The following C15orf61 variants were observed in gnomAD, a reference collection of about 807,000 sequenced individuals.
C15orf61 encodes the protein uncharacterized protein C15orf61.
Under a neutral mutation model 13.7 loss-of-function variants are expected in C15orf61, and 12 were observed. The ratio of observed to expected loss-of-function variants is 0.88; its 90% CI spans 0.56 to 1.42. C15orf61 has a LOEUF of 1.42. C15orf61 is among the 40% of genes most tolerant of loss of function. The probability of loss-of-function intolerance (pLI) is 0.00; values close to 1 mark genes in which losing one functional copy is unlikely to be tolerated. For missense variants in C15orf61, 248 were observed against 213.2 expected (o/e 1.16, Z -1.02); for synonymous variants, 92 against 94.1 (o/e 0.98, Z 0.13).
rs577016848 is a variant in C15orf61 at position 67,521,311 on chromosome 15, C to T, written c.63C>T (p.Ala21=). The stretch of plus-strand genomic sequence containing the variant: ...GCCTGCTGCTGTGTAGGCCGTGGGC[C>T]TCGCGCGCCGCCGCCCGCCCCAAGC... The part of the protein sequence containing the change: ...ALRLLLCRPW[A]SRAAARPKPS... The change falls in exon 1 of 2, where the codon GCC becomes GCT. Residue 21 remains alanine (A), a synonymous_variant. Transcript: ENST00000342683. The T allele has an allele frequency of 1.3e-6, 2 of 1,524,870 alleles. No homozygotes were observed. The highest frequency in any genetic ancestry group is 1.4e-5 in the African/African-American group (1 of 72,486). 94.5% of individuals were successfully genotyped at this position (1,524,870 alleles called of 1,614,324 possible).
intron 1 of C15orf61, among the ~76,000 whole-genome samples, chr15:67,524,407 T>C (rs1203974022): frequency 6.6e-6 from 1 of 152,078 alleles, no homozygotes; most frequent in Non-Finnish European, 1.5e-5. Flanking sequence ...TTCTTTGTGG[T>C]TAAATGATTT....
chr15:67,524,833 G>GTTTT (rs1307736179), intron 1 of C15orf61, among the ~76,000 whole-genome samples: 2 of 112,648 alleles, frequency 1.8e-5, no homozygotes, highest in African/African-American at 6.8e-5. Context: ...TTGCTTTTTT[G>GTTTT]TTTGTTTTTT....
rs768700223 is a variant in C15orf61 at position 67,526,436 on chromosome 15, A to G, written c.365A>G (p.Tyr122Cys). ...TTTCTAGGTATTCCAACTTTATTAT[A>G]TGGACTTGGCTCCTGGTTATTTGCC... The part of the protein sequence containing the change: ...VVNLGIPTLL[Y>C]GLGSWLFARV... Residue 122 changes from tyrosine to cysteine, a missense_variant, in exon 2 of 2, where the codon TAT becomes TGT. Transcript: ENST00000342683. 26 of 1,529,742 alleles carry G rather than the reference A, an allele frequency of 1.7e-5. No homozygotes were observed. In the South Asian group the frequency reaches 1.9e-4, roughly 11 times the overall value. 94.8% of individuals were successfully genotyped at this position (1,529,742 alleles called of 1,614,324 possible).
At position 67,525,788 on chromosome 15, in the gene C15orf61, A is replaced by G. The variant is rs886497788; in HGVS notation, c.347-630A>G. Among the ~76,000 whole-genome samples, 11 of 152,148 alleles carry G rather than the reference A, an allele frequency of 7.2e-5. No homozygotes were observed. On this transcript the variant is annotated intron_variant, in intron 1 of 1. Coordinates refer to ENST00000342683, the MANE Select transcript of C15orf61 (RefSeq NM_001143936.2). The surrounding 1 kb of genome is among the most constrained non-coding windows in gnomAD (Gnocchi z 4.9). ...CCAGCACTTTCGGAGGCCTAGGCCC[A>G]GGATCACAAGGTCAAGAGATCGAGA...
chr15:67,521,527 C>T lies in C15orf61; in HGVS notation c.279C>T (p.Ser93=). Residue 93 remains serine (S), a synonymous_variant, in exon 1 of 2, where the codon TCC becomes TCT. Transcript: ENST00000342683. ...GCFPFIKYHC[S]KAPWQDLARQ... ...TCCCCTTCATCAAGTACCACTGCTC[C>T]AAGGCTCCCTGGCAGGACCTGGCCC... 1 of 1,548,068 alleles carries T rather than the reference C, an allele frequency of 6.5e-7. No homozygotes were observed. Among genetic ancestry groups the T allele is most frequent in the Non-Finnish European group, 8.7e-7 (1 of 1,146,502 alleles).
Position 67,526,741 on chromosome 15 carries a change from G to A in C15orf61, c.*196G>A, listed in dbSNP as rs761198134. The A allele has an allele frequency of 4.9e-6, 2 of 410,658 alleles. No homozygotes were observed. Among genetic ancestry groups the A allele is most frequent in the African/African-American group, 2.1e-5 (1 of 48,688 alleles). The allele number at this position is 410,658 out of a possible 1,614,324, so 25.4% of individuals were successfully genotyped here. On this transcript the variant is annotated 3_prime_UTR_variant, in exon 2 of 2. Coordinates refer to ENST00000342683, the MANE Select transcript of C15orf61 (RefSeq NM_001143936.2). Reference sequence around the variant, plus strand: ...TATATATTACATACTCTGTTTAGCTGATGTGAACTACAAACACATGAAGCT... The same window carrying A: ...TATATATTACATACTCTGTTTAGCTAATGTGAACTACAAACACATGAAGCT...
Position 67,521,609 on chromosome 15 carries a change from C to A in C15orf61, c.346+15C>A, listed in dbSNP as rs2084163250. ...CGTCAACCTCGGTGAGTGGCGACTG[C>A]CGCGCCCACGCGGTGAAGCCCGCCC... On this transcript the variant is annotated intron_variant, in intron 1 of 1. Transcript: ENST00000342683. The A allele has an allele frequency of 2.7e-6, 4 of 1,500,294 alleles. No homozygotes were observed. Among genetic ancestry groups the A allele is most frequent in the Non-Finnish European group, 3.6e-6 (4 of 1,113,452 alleles). 92.9% of individuals were successfully genotyped at this position (1,500,294 alleles called of 1,614,324 possible).
At position 67,529,228 on chromosome 15, in the gene C15orf61, A is replaced by G. The variant is rs2084215311; in HGVS notation, c.*2683A>G. The G allele has an allele frequency of 6.6e-6, 1 of 152,198 alleles. No individual in the cohort carries two copies. Among genetic ancestry groups the G allele is most frequent in the Non-Finnish European group, 1.5e-5 (1 of 68,040 alleles). 9.4% of individuals were successfully genotyped at this position (152,198 alleles called of 1,614,324 possible). A position where few individuals can be genotyped will look rare whatever the true frequency, so the allele number is the denominator to read the frequency against. On this transcript the variant is annotated 3_prime_UTR_variant, in exon 2 of 2. Transcript: ENST00000342683. This position sits in a 1 kb window ranked among gnomAD's most constrained non-coding sequence, Gnocchi z 4.4. The stretch of plus-strand genomic sequence containing the variant: ...AAATTTCTAGGCAAATTCCTAGGCA[A>G]AATTCTTAGTTCCTGTGTAAGTTGT...
chr15:67,527,060 A>G lies in C15orf61; in HGVS notation c.*515A>G, dbSNP rs2084203052. 1.3e-5 allele frequency: 2 copies of G among 152,236 alleles called. No individual in the cohort carries two copies. The highest frequency in any genetic ancestry group is 1.3e-4 in the Admixed American group (2 of 15,284). 9.4% of individuals were successfully genotyped at this position (152,236 alleles called of 1,614,324 possible). On this transcript the variant is annotated 3_prime_UTR_variant, in exon 2 of 2. Transcript: ENST00000342683. ...AGGATTGTAAATAGAAACGTTTTAA[A>G]GGCCTTGTGCCATTTACCTGGAGGA...
Position 67,521,181 on chromosome 15 carries a change from C to G in C15orf61, c.-68C>G. ...GCGGCGCCGGTTGGCCTTCCCGGCG[C>G]TCGCCCGGGGGCGCGCTTGCGCGCC... On this transcript the variant is annotated 5_prime_UTR_variant, in exon 1 of 2. Coordinates refer to ENST00000342683, the MANE Select transcript of C15orf61 (RefSeq NM_001143936.2). 9.1e-7 allele frequency: 1 copy of G among 1,093,478 alleles called. No individual in the cohort carries two copies. The highest frequency in any genetic ancestry group is 1.1e-6 in the Non-Finnish European group (1 of 877,174). The allele number at this position is 1,093,478 out of a possible 1,614,324, so 67.7% of individuals were successfully genotyped here.
intron 1 of C15orf61, chr15:67,521,840 G>A: frequency 3.3e-6 from 2 of 611,112 alleles, no homozygotes; most frequent in Non-Finnish European, 5.8e-6. Flanking sequence ...GGAGGGGCGG[G>A]TCGCCCTCCT....
chr15:67,526,471 G>C lies in C15orf61; in HGVS notation c.400G>C (p.Glu134Gln). ...LGSWLFARVT[E>Q]TVHTSYGPIT... Reference sequence around the variant, plus strand: ...CTCCTGGTTATTTGCCAGAGTCACAGAGACTGTGCATACCAGTTATGGACC... The same window carrying C: ...CTCCTGGTTATTTGCCAGAGTCACACAGACTGTGCATACCAGTTATGGACC... The change falls in exon 2 of 2, where the codon GAG becomes CAG. Residue 134 changes from glutamate (E) to glutamine (Q), a missense_variant. Transcript: ENST00000342683. 2 of 1,540,876 alleles carry C rather than the reference G, an allele frequency of 1.3e-6. No individual in the cohort carries two copies. Among genetic ancestry groups the C allele is most frequent in the Non-Finnish European group, 1.8e-6 (2 of 1,137,400 alleles).
At position 67,521,542 on chromosome 15, in the gene C15orf61, G is replaced by C; in HGVS notation, c.294G>C (p.Gln98His). The C allele has an allele frequency of 6.5e-7, 1 of 1,546,654 alleles. No individual in the cohort carries two copies. Among genetic ancestry groups the C allele is most frequent in the Non-Finnish European group, 8.7e-7 (1 of 1,145,624 alleles). Residue 98 changes from glutamine (Q) to histidine (H), a missense_variant, in exon 1 of 2, where the codon CAG (glutamine) becomes CAC (histidine). Coordinates refer to ENST00000342683, the MANE Select transcript of C15orf61 (RefSeq NM_001143936.2). ...IKYHCSKAPW[Q>H]DLARQNRFFT... ...ACCACTGCTCCAAGGCTCCCTGGCA[G>C]GACCTGGCCCGGCAGAACCGCTTCT...
At chr15:67,521,651 C>A in intron 1 of C15orf61, 57 bp downstream of exon 1, 1 of 1,391,346 alleles carries the variant, frequency 7.2e-7, no homozygotes, top group Non-Finnish European at 9.7e-7. Context: ...GACGGCCCCT[C>A]AGCCACCGAG....
In C15orf61 at chr15:67,525,721, A is replaced by G. The variant is rs1352734631; in HGVS notation, c.347-697A>G. 6.6e-6 allele frequency among the ~76,000 whole-genome samples: 1 copy of G among 152,180 alleles called. No homozygotes were observed. The highest frequency in any genetic ancestry group is 2.4e-5 in the African/African-American group (1 of 41,434). On this transcript the variant is annotated intron_variant, in intron 1 of 1. Transcript: ENST00000342683. The surrounding 1 kb of genome is among the most constrained non-coding windows in gnomAD (Gnocchi z 4.9). ...CATTAGTGTTACTACTAACTTAAAG[A>G]ACAGTAATGTTGGCCGGGCGCGGTG...
rs995140861 is a variant in C15orf61, at chr15:67,529,913, A to G, written c.*3368A>G. 1 of 152,212 alleles carries G rather than the reference A, an allele frequency of 6.6e-6. No homozygotes were observed. The highest frequency in any genetic ancestry group is 1.5e-5 in the Non-Finnish European group (1 of 68,032). 9.4% of individuals were successfully genotyped at this position (152,212 alleles called of 1,614,324 possible). ...AAGATCTTGGTTTCACTGCACTGAAAAGCTAATGCAGATAACAGAAACCTT... is the reference window on the plus strand; with the variant it reads ...AAGATCTTGGTTTCACTGCACTGAAGAGCTAATGCAGATAACAGAAACCTT... On this transcript the variant is annotated 3_prime_UTR_variant, in exon 2 of 2. Transcript: ENST00000342683. This position sits in a 1 kb window ranked among gnomAD's most constrained non-coding sequence, Gnocchi z 4.4.
intron 1 of C15orf61, among the ~76,000 whole-genome samples, chr15:67,524,690 G>A (rs2140928003): frequency 6.6e-6 from 1 of 152,274 alleles, no homozygotes; most frequent in Non-Finnish European, 1.5e-5. Context: ...CATCACAGTG[G>A]CTGGAATGAA....
Position 67,521,293 on chromosome 15 carries a change from G to T in C15orf61, c.45G>T (p.Leu15=), listed in dbSNP as rs1315986714. 6.7e-7 allele frequency: 1 copy of T among 1,497,466 alleles called. No homozygotes were observed. The highest frequency in any genetic ancestry group is 1.4e-5 in the African/African-American group (1 of 70,692). The allele number at this position is 1,497,466 out of a possible 1,614,324, so 92.8% of individuals were successfully genotyped here. A position where few individuals can be genotyped will look rare whatever the true frequency, so the allele number is the denominator to read the frequency against. Residue 15 remains leucine, a synonymous_variant, in exon 1 of 2, where the codon CTG becomes CTT. Transcript: ENST00000342683. ...RRAHEVALRL[L]LCRPWASRAA... is the part of the protein sequence containing the mutation. ...CCCACGAGGTCGCGCTCCGCCTGCTGCTGTGTAGGCCGTGGGCCTCGCGCG... is the reference window on the plus strand; with the variant it reads ...CCCACGAGGTCGCGCTCCGCCTGCTTCTGTGTAGGCCGTGGGCCTCGCGCG...
chr15:67,522,768 TC>T (rs1263155132), intron 1 of C15orf61, among the ~76,000 whole-genome samples: 3 of 152,246 alleles, frequency 2.0e-5, no homozygotes, highest in Admixed American at 2.0e-4. Flanking sequence ...TTAGCATTTT[TC>T]ATAAGTAAGA....
Sources: allele counts gnomAD v4.1 joint callset (sites outside exome capture counted in the v4.1 genomes callset), GRCh38; gene constraint gnomAD v4.1.1; non-coding constraint Gnocchi (gnomAD v3.1); transcripts MANE v1.5; gene names NCBI Gene and HGNC (gene_info 2026-07-23, HGNC 2026-07-21).